Variants in PDE1C observed in about 807,000 individuals in gnomAD.
The protein encoded by PDE1C is phosphodiesterase 1C.
Under a neutral mutation model 93.1 loss-of-function variants are expected in PDE1C, and 62 were observed. The observed-to-expected ratio is 0.67, with a 90% CI of 0.54 to 0.82. The LOEUF (loss-of-function observed/expected upper bound fraction) is 0.82, where lower values mean the gene tolerates loss of function less well. PDE1C is among the 40% of genes least tolerant of loss of function. The pLI is 0.00. For synonymous variants in PDE1C, 325 were observed against 310.1 expected, an observed-to-expected ratio of 1.05 and a Z score of -0.50; for missense variants, 742 against 884.6, an observed-to-expected ratio of 0.84 and a Z score of 2.04.
At chr7:31,694,922 G>T in the PDE1C span, among the ~76,000 whole-genome samples, 1 of 152,136 alleles carries the variant, frequency 6.6e-6, no homozygotes. Flanking sequence ...AAATAGGAGG[G>T]TTACAAAGCC....
upstream of PDE1C, chr7:32,070,824 A>T (rs1795972745): frequency 1.0e-6 from 1 of 987,646 alleles, no homozygotes; most frequent in Admixed American, 6.1e-5. Flanking sequence ...AGAAAGTGAG[A>T]AGGGAGAGAA....
chr7:32,096,309 C>T (rs7780007), intron 3 of PDE1C, among the ~76,000 whole-genome samples: 1 of 152,088 alleles, frequency 6.6e-6, no homozygotes, highest in Admixed American at 6.5e-5. Flanking sequence ...AGAACTAGTG[C>T]GTTTTGGAAA....
At chr7:31,902,468 G>A (rs1454991404) in intron 2 of PDE1C, among the ~76,000 whole-genome samples, 1 of 151,620 alleles carries the variant, frequency 6.6e-6, no homozygotes, top group Non-Finnish European at 1.5e-5. Context: ...ATTGCTGATG[G>A]GTCTATAAAT....
chr7:32,140,561 T>TCACA, intron 3 of PDE1C, among the ~76,000 whole-genome samples: 1 of 152,340 alleles, frequency 6.6e-6, no homozygotes, highest in African/African-American at 2.4e-5. Context: ...AGCATTCCCT[T>TCACA]CACACTTTTC....
chr7:32,062,504 A>T (rs550946242), intron 1 of PDE1C, among the ~76,000 whole-genome samples: 1 of 152,296 alleles, frequency 6.6e-6, no homozygotes, highest in Admixed American at 6.5e-5. Flanking sequence ...TTAAATGCCT[A>T]GAATACGCTT....
intron 3 of PDE1C, among the ~76,000 whole-genome samples, chr7:32,107,920 A>G (rs1798416474): frequency 6.6e-6 from 1 of 152,100 alleles, no homozygotes; most frequent in Admixed American, 6.5e-5. Context: ...GTAGAGTGTT[A>G]CTTAAAAGTG....
chr7:32,267,682 C>CTGT (rs1810704367), intron 1 of PDE1C, among the ~76,000 whole-genome samples: 2 of 151,376 alleles, frequency 1.3e-5, no homozygotes, highest in Admixed American at 6.6e-5. Context: ...TTCTCTAGCA[C>CTGT]CCCTGGCAGT....
At chr7:31,619,670 C>T in the PDE1C span, among the ~76,000 whole-genome samples, 2 of 152,112 alleles carry the variant, frequency 1.3e-5, no homozygotes, top group African/African-American at 4.8e-5. Context: ...CAGCCCCCAG[C>T]GTGAGCCACG....
chr7:32,338,959 T>C (rs936397901), intron 1 of PDE1C, among the ~76,000 whole-genome samples: 2 of 150,682 alleles, frequency 1.3e-5, no homozygotes, highest in Admixed American at 6.6e-5. Context: ...CCCGAGATCG[T>C]GCCACTGCAC....
At chr7:32,406,650 T>C (rs1217163271) in intron 1 of PDE1C, among the ~76,000 whole-genome samples, 1 of 152,160 alleles carries the variant, frequency 6.6e-6, no homozygotes, top group Non-Finnish European at 1.5e-5. Context: ...TGCATATGGT[T>C]TTGGGACTGT....
the PDE1C span, among the ~76,000 whole-genome samples, chr7:31,694,483 C>T: frequency 5.3e-5 from 8 of 151,706 alleles, no homozygotes; most frequent in South Asian, 2.1e-4. Context: ...AATGAAGGTG[C>T]AAGTTCTCAG....
chr7:32,243,940 G>C (rs1248090205), intron 1 of PDE1C, among the ~76,000 whole-genome samples: 1 of 152,154 alleles, frequency 6.6e-6, no homozygotes, highest in Non-Finnish European at 1.5e-5. Context: ...TCAAGATGAA[G>C]ATTTACATGT....
intron 3 of PDE1C, among the ~76,000 whole-genome samples, chr7:32,150,745 T>A (rs1801192666): frequency 6.6e-6 from 1 of 152,148 alleles, no homozygotes; most frequent in Admixed American, 6.5e-5. Flanking sequence ...AAGAACCACA[T>A]AAGGGTTAGG....
chr7:31,874,842 C>T (rs745842808), intron 5 of PDE1C, among the ~76,000 whole-genome samples: 16 of 152,192 alleles, frequency 1.1e-4, no homozygotes, highest in Admixed American at 1.3e-4. Flanking sequence ...TGCAAAACCT[C>T]GCAAGTCTAG....
intron 2 of PDE1C, among the ~76,000 whole-genome samples, chr7:31,881,618 T>C (rs781669448): frequency 2.6e-5 from 4 of 152,082 alleles, no homozygotes; most frequent in Non-Finnish European, 5.9e-5. Context: ...GATTTGGAGA[T>C]TGGGCAACTC....
chr7:32,309,666 G>A (rs1398605975), intron 1 of PDE1C, among the ~76,000 whole-genome samples: 1 of 152,124 alleles, frequency 6.6e-6, no homozygotes, highest in Non-Finnish European at 1.5e-5. Context: ...ATAAGTGAAG[G>A]AGAAATAAAA....
the PDE1C span, among the ~76,000 whole-genome samples, chr7:31,738,278 AAAGGAAAGAGGTT>A: frequency 6.6e-6 from 1 of 152,286 alleles, no homozygotes; most frequent in East Asian, 1.9e-4. Flanking sequence ...GGGTAATTAC[AAAGGAAAGAGGTT>A]TAATGGACTC....
At chr7:32,077,600 T>TC (rs1796424395) in intron 3 of PDE1C, among the ~76,000 whole-genome samples, 1 of 152,124 alleles carries the variant, frequency 6.6e-6, no homozygotes, top group South Asian at 2.1e-4. Context: ...AGACAGAGTT[T>TC]CGCTCTTGTT....
At chr7:31,680,696 G>T in the PDE1C span, among the ~76,000 whole-genome samples, 3 of 135,350 alleles carry the variant, frequency 2.2e-5, no homozygotes, top group African/African-American at 8.8e-5. Context: ...GGCCCCTTTG[G>T]TCACAGTGAC....
Sources: gnomAD v4.1 joint callset for allele counts (sites outside exome capture counted in the v4.1 genomes callset) on GRCh38, gnomAD v4.1.1 for gene constraint, MANE v1.5 for transcripts, NCBI Gene and HGNC (gene_info 2026-07-23, HGNC 2026-07-21) for gene names.